Variants in BICRAL observed in about 807,000 individuals in gnomAD.
The protein encoded by BICRAL is BICRA like chromatin remodeling complex associated protein, also known as BRD4-interacting chromatin-remodeling complex-associated protein-like.
Under a neutral mutation model 91.8 loss-of-function variants are expected in BICRAL, and 8 were observed. The observed-to-expected ratio is 0.09, with a 90% confidence interval of 0.05 to 0.16. The LOEUF (loss-of-function observed/expected upper bound fraction) is 0.16, where lower values mean the gene tolerates loss of function less well. Among genes scored for constraint, BICRAL ranks in the 10% least tolerant of loss-of-function variants. The pLI is 1.00. For synonymous variants in BICRAL, 445 were observed against 491.1 expected (o/e 0.91, Z 1.24); for missense variants, 1,038 against 1,310.9 (o/e 0.79, Z 3.21).
chr6:42,831,773 C>T (rs1316115564), intron 6 of BICRAL, among the ~76,000 whole-genome samples: 2 of 150,292 alleles, frequency 1.3e-5, no homozygotes, highest in African/African-American at 4.9e-5. Context: ...CAGTCTCACT[C>T]TGTTGCCCAG....
At chr6:42,830,999 A>G (rs1488380441) in intron 6 of BICRAL, among the ~76,000 whole-genome samples, 1 of 152,192 alleles carries the variant, frequency 6.6e-6, no homozygotes, top group South Asian at 2.1e-4. Flanking sequence ...GCTTTATGAC[A>G]TGGAAAAAGT....
intron 2 of BICRAL, among the ~76,000 whole-genome samples, 166 bp from the exon 3 acceptor site, chr6:42,821,852 A>G (rs1462790586): frequency 2.0e-5 from 3 of 152,238 alleles, no homozygotes; most frequent in African/African-American, 7.2e-5. Flanking sequence ...TATCTCTCAA[A>G]TGACCTCAAA....
chr6:42,826,744 TAGATATATC>T (rs1562481063), intron 5 of BICRAL, among the ~76,000 whole-genome samples: 1 of 152,118 alleles, frequency 6.6e-6, no homozygotes, highest in Non-Finnish European at 1.5e-5. Context: ...CATGTAACCT[TAGATATATC>T]ACTAAATCTC....
chr6:42,857,278 A>G (rs1050549303), intron 10 of BICRAL, 42 bp downstream of exon 10: 3 of 1,557,652 alleles, frequency 1.9e-6, no homozygotes, highest in Non-Finnish European at 2.6e-6. Context: ...TGATACCAGG[A>G]AACCCTCCAT....
chr6:42,771,414 C>T (rs910788268), intron 1 of BICRAL, among the ~76,000 whole-genome samples: 3 of 146,644 alleles, frequency 2.0e-5, no homozygotes, highest in Non-Finnish European at 4.5e-5. Context: ...TGTTAGGGAC[C>T]GCCTAGTGAG....
intron 12 of BICRAL, 70 bp from the exon 13 acceptor site, chr6:42,864,589 A>T: frequency 7.7e-7 from 1 of 1,299,974 alleles, no homozygotes; most frequent in Non-Finnish European, 1.1e-6. Context: ...CACCTGACCC[A>T]CTGAAGTTCT....
At chr6:42,778,648 T>G, upstream of BICRAL, among the ~76,000 whole-genome samples, 1 of 152,362 alleles carries the variant, frequency 6.6e-6, no homozygotes, top group Middle Eastern at 3.4e-3. Flanking sequence ...CTTGCAATTC[T>G]GGCTGACTTG....
chr6:42,839,240 C>T (rs1214394828), intron 6 of BICRAL, among the ~76,000 whole-genome samples: 1 of 151,976 alleles, frequency 6.6e-6, no homozygotes, highest in Non-Finnish European at 1.5e-5. Context: ...CTCTCCTTCC[C>T]ATTTTTTTTG....
At position 42,846,487 on chromosome 6, in the gene BICRAL, C is replaced by G. The variant is rs535757073; in HGVS notation, c.1840-5605C>G. ...TCTTTGTGGATGGAACCCAGAAATT[C>G]TCCAGGTGATCTTGACGCAACCTGA... On this transcript the variant is annotated intron_variant, in intron 6 of 12. Coordinates refer to ENST00000314073, the MANE Select transcript of BICRAL (RefSeq NM_001393499.1). Among the ~76,000 whole-genome samples, 112 of 152,270 alleles carry G rather than the reference C, an allele frequency of 7.4e-4. 1 individual carries two copies. In the South Asian group the frequency reaches 0.018, roughly 25 times the overall value.
rs141365452 is a variant in BICRAL at position 42,761,820 on chromosome 6, C to G, written c.-261+14797C>G. 2.0e-3 allele frequency among the ~76,000 whole-genome samples: 306 copies of G among 150,906 alleles called. 3 individuals are homozygous for G. Among genetic ancestry groups the G allele is most frequent in the African/African-American group, 6.8e-3 (281 of 41,080 alleles). On this transcript the variant is annotated intron_variant, in intron 1 of 14. Transcript: ENST00000614467. ...TCCTAGCTACACAGAAGGCTGAGAT[C>G]GGAGGATGACTTGAGCCCAGGAGGT... is the stretch of plus-strand genomic sequence containing the variant.
intron 5 of BICRAL, among the ~76,000 whole-genome samples, chr6:42,828,229 A>G (rs1764359905): frequency 6.6e-6 from 1 of 151,856 alleles, no homozygotes; most frequent in Non-Finnish European, 1.5e-5. Context: ...GTGAAACCCC[A>G]TCTCTACTAA....
At chr6:42,787,054 T>G (rs771132345) in intron 1 of BICRAL, among the ~76,000 whole-genome samples, 1 of 152,158 alleles carries the variant, frequency 6.6e-6, no homozygotes, top group Non-Finnish European at 1.5e-5. Context: ...TAGGAGGCTA[T>G]TGTAGTCAGC....
intron 2 of BICRAL, among the ~76,000 whole-genome samples, chr6:42,819,711 A>G (rs1017586834): frequency 1.2e-4 from 19 of 152,208 alleles, no homozygotes; most frequent in African/African-American, 3.1e-4. Context: ...ACATTTTGGC[A>G]TTATTTGAAG....
At chr6:42,799,380 C>T (rs907296471) in intron 1 of BICRAL, among the ~76,000 whole-genome samples, 3 of 151,394 alleles carry the variant, frequency 2.0e-5, no homozygotes, top group African/African-American at 7.3e-5. Context: ...CTCACTGTAG[C>T]CTCAGCCTCC....
At chr6:42,786,714 C>T (rs1763112949) in intron 1 of BICRAL, among the ~76,000 whole-genome samples, 1 of 152,134 alleles carries the variant, frequency 6.6e-6, no homozygotes, top group South Asian at 2.1e-4. Context: ...AAAGTCTTTT[C>T]ATAGAGGTGA....
intron 6 of BICRAL, among the ~76,000 whole-genome samples, chr6:42,848,413 T>C (rs1765085688): frequency 6.6e-6 from 1 of 152,058 alleles, no homozygotes; most frequent in Non-Finnish European, 1.5e-5. Context: ...AGACCCTATC[T>C]CCAAAAAAAA....
intron 6 of BICRAL, among the ~76,000 whole-genome samples, chr6:42,844,088 C>A (rs981693098): frequency 6.7e-6 from 1 of 149,520 alleles, no homozygotes; most frequent in African/African-American, 2.5e-5. Context: ...AGACGTGAGC[C>A]ACCGCGCCTG....
chr6:42,830,543 A>C lies in BICRAL; in HGVS notation c.1839+371A>C, dbSNP rs138952100. On this transcript the variant is annotated intron_variant, in intron 6 of 12. Coordinates refer to ENST00000314073, the MANE Select transcript of BICRAL (RefSeq NM_001393499.1). The stretch of plus-strand genomic sequence containing the variant: ...ATTGTACCACTGCACTGGGTGATAG[A>C]GTGAGACCCTGTCTCAAAAAAAAAA... 4.3e-3 allele frequency among the ~76,000 whole-genome samples: 646 copies of C among 150,810 alleles called. 3 individuals are homozygous for C. The highest frequency in any genetic ancestry group is 0.015 in the African/African-American group (606 of 41,056).
intron 3 of BICRAL, among the ~76,000 whole-genome samples, chr6:42,822,431 T>G (rs1764166815): frequency 6.7e-6 from 1 of 150,060 alleles, no homozygotes; most frequent in East Asian, 1.9e-4. Flanking sequence ...TTTTTTTTTG[T>G]AGAGACAGGG....
Sources: allele counts gnomAD v4.1 joint callset (sites outside exome capture counted in the v4.1 genomes callset), GRCh38; gene constraint gnomAD v4.1.1; transcripts MANE v1.5; gene names NCBI Gene and HGNC (gene_info 2026-07-23, HGNC 2026-07-21).